Variants in ROBO2 observed in about 807,000 individuals in gnomAD.
The protein encoded by ROBO2 is roundabout homolog 2.
Under a neutral mutation model 160.8 loss-of-function variants are expected in ROBO2, and 53 were observed. The ratio of observed to expected loss-of-function variants is 0.33; its 90% CI spans 0.26 to 0.41. The LOEUF (loss-of-function observed/expected upper bound fraction) is 0.41, where lower values mean the gene tolerates loss of function less well. Among genes scored for constraint, ROBO2 ranks in the 10% least tolerant of loss-of-function variants. The pLI is 1.00. For synonymous variants in ROBO2, 664 were observed against 611.7 expected (o/e 1.09, Z -1.26); for missense variants, 1,577 against 1,722.4 (o/e 0.92, Z 1.49).
chr3:77,148,500 T>C (rs1475579359), intron 2 of ROBO2, among the ~76,000 whole-genome samples: 1 of 152,234 alleles, frequency 6.6e-6, no homozygotes, highest in Non-Finnish European at 1.5e-5. Flanking sequence ...ATTTCTCATA[T>C]AAAGTTAAAA....
intron 2 of ROBO2, among the ~76,000 whole-genome samples, chr3:77,144,764 G>C (rs1287048953): frequency 6.6e-6 from 1 of 151,838 alleles, no homozygotes; most frequent in African/African-American, 2.4e-5. Context: ...TAGATAAGTA[G>C]ATTTTCATCA....
chr3:76,904,517 C>T (rs1379985243), intron 2 of ROBO2, among the ~76,000 whole-genome samples: 2 of 152,104 alleles, frequency 1.3e-5, no homozygotes, highest in South Asian at 2.1e-4. Flanking sequence ...AGAACACATG[C>T]TTTTATTTCA....
chr3:76,007,107 G>A (rs1463362112), intron 2 of ROBO2, among the ~76,000 whole-genome samples: 2 of 151,944 alleles, frequency 1.3e-5, no homozygotes, highest in Non-Finnish European at 2.9e-5. Context: ...GATGAGTTCA[G>A]TATAACATTT....
At chr3:77,130,200 C>T (rs529243461) in intron 2 of ROBO2, among the ~76,000 whole-genome samples, 1 of 152,034 alleles carries the variant, frequency 6.6e-6, no homozygotes, top group East Asian at 1.9e-4. Context: ...TTCCGATGGC[C>T]GGCCACTGCA....
At chr3:76,755,812 T>A (rs558651494) in intron 2 of ROBO2, among the ~76,000 whole-genome samples, 2 of 151,970 alleles carry the variant, frequency 1.3e-5, no homozygotes, top group East Asian at 2.0e-4. Flanking sequence ...AGGAAATCAG[T>A]TTTTCCTCTT....
At chr3:76,965,785 G>GTATATATATA (rs62885160) in intron 2 of ROBO2, among the ~76,000 whole-genome samples, 9,888 of 128,664 alleles carry the variant, frequency 0.077, 444 homozygotes, top group East Asian at 0.11. Flanking sequence ...TTGTGTTTGT[G>GTATATATATA]TATATATATA....
intron 1 of ROBO2, among the ~76,000 whole-genome samples, chr3:75,933,593 T>G (rs1211094092): frequency 6.6e-6 from 1 of 151,764 alleles, no homozygotes; most frequent in Non-Finnish European, 1.5e-5. Context: ...TAGATAACAA[T>G]GAAATTGCCA....
At chr3:76,001,065 T>C (rs1403098032) in intron 2 of ROBO2, among the ~76,000 whole-genome samples, 2 of 152,208 alleles carry the variant, frequency 1.3e-5, no homozygotes, top group Admixed American at 1.3e-4. Flanking sequence ...GGTATGTTGT[T>C]TGTTTGTATA....
chr3:77,622,468 T>C (rs1272662972), intron 23 of ROBO2, 36 bp downstream of exon 24: 1 of 1,579,498 alleles, frequency 6.3e-7, no homozygotes. Flanking sequence ...AACTGACCTA[T>C]TGGTAACATT....
At chr3:76,903,121 C>A (rs1432391547) in intron 2 of ROBO2, among the ~76,000 whole-genome samples, 1 of 151,796 alleles carries the variant, frequency 6.6e-6, no homozygotes, top group Non-Finnish European at 1.5e-5. Context: ...TAATATAATA[C>A]CTTATGTAGA....
At chr3:76,666,536 T>G (rs963133161) in intron 2 of ROBO2, among the ~76,000 whole-genome samples, 9 of 152,242 alleles carry the variant, frequency 5.9e-5, no homozygotes, top group Admixed American at 3.3e-4. Context: ...CTGGAGGTCT[T>G]GCATGAAAGT....
At chr3:77,377,490 C>T (rs2072847733) in intron 2 of ROBO2, among the ~76,000 whole-genome samples, 1 of 152,114 alleles carries the variant, frequency 6.6e-6, no homozygotes, top group South Asian at 2.1e-4. Context: ...AGAGAACATC[C>T]TCATTCACTT....
chr3:76,146,983 G>T (rs984898724), intron 2 of ROBO2, among the ~76,000 whole-genome samples: 2 of 151,074 alleles, frequency 1.3e-5, no homozygotes, highest in African/African-American at 4.8e-5. Context: ...GGTAGAGATT[G>T]GGAGGTGGGA....
At chr3:76,746,028 C>T (rs1214804926) in intron 2 of ROBO2, among the ~76,000 whole-genome samples, 1 of 141,504 alleles carries the variant, frequency 7.1e-6, no homozygotes, top group Non-Finnish European at 1.5e-5. Context: ...GTTCCCCTTC[C>T]TGTGTCCATG....
Position 76,332,747 on chromosome 3 carries a change from A to AT in ROBO2, c.109+395154dup, listed in dbSNP as rs200048105. The stretch of plus-strand genomic sequence containing the variant: ...CCACCTCTGTGGCCACATAAAAATA[A>AT]TTTTTTTTTCCTTCAAAATATATTT... On this transcript the variant is annotated intron_variant, in intron 2 of 26. Coordinates refer to the ROBO2 transcript ENST00000487694. 1.3e-3 allele frequency among the ~76,000 whole-genome samples: 197 copies of AT among 151,786 alleles called. 5 individuals are homozygous for AT. The East Asian group carries it at 0.033, about 25-fold the overall frequency.
chr3:76,313,947 T>C (rs902199501), intron 2 of ROBO2, among the ~76,000 whole-genome samples: 6 of 152,236 alleles, frequency 3.9e-5, no homozygotes, highest in African/African-American at 1.4e-4. Context: ...ACGTGTGGCC[T>C]GTGAGGAGTG....
intron 2 of ROBO2, among the ~76,000 whole-genome samples, chr3:76,745,036 T>C (rs1397274609): frequency 1.3e-5 from 2 of 152,190 alleles, no homozygotes; most frequent in Non-Finnish European, 2.9e-5. Flanking sequence ...AATTGTCCCT[T>C]GCCTTTCAAA....
chr3:76,498,482 T>TAACGTATATGTTAATTAGCTGTATTTA (rs2080274799), intron 2 of ROBO2, among the ~76,000 whole-genome samples: 1 of 151,866 alleles, frequency 6.6e-6, no homozygotes. Context: ...TAAATAAGTG[T>TAACGTATATGTTAATTAGCTGTATTTA]GAGGTAACAT....
At chr3:76,294,193 G>T (rs1047463081) in intron 2 of ROBO2, among the ~76,000 whole-genome samples, 18 of 152,254 alleles carry the variant, frequency 1.2e-4, no homozygotes, top group African/African-American at 4.1e-4. Context: ...CGAGCCTGCA[G>T]GGCAAAGGGG....
Sources: allele counts gnomAD v4.1 joint callset (sites outside exome capture counted in the v4.1 genomes callset), GRCh38; gene constraint gnomAD v4.1.1; transcripts MANE v1.5; gene names NCBI Gene and HGNC (gene_info 2026-07-23, HGNC 2026-07-21).